PPARD: variants seen among roughly 807,000 people sequenced by gnomAD.
PPARD encodes the protein peroxisome proliferator activated receptor delta, also known as peroxisome proliferator-activated receptor delta.
PPARD carries 6 observed loss-of-function variants against 39.5 expected under a neutral mutation model. That is an observed-to-expected ratio of 0.15 (90% CI 0.08 to 0.30). The LOEUF (loss-of-function observed/expected upper bound fraction) is 0.30, where lower values mean the gene tolerates loss of function less well. PPARD is among the 10% of genes least tolerant of loss of function. The probability of loss-of-function intolerance (pLI) is 1.00; values close to 1 mark genes in which losing one functional copy is unlikely to be tolerated. For synonymous variants in PPARD, 210 were observed against 231.3 expected (o/e 0.91, Z 0.83); for missense variants, 397 against 596.8 (o/e 0.67, Z 3.49).
Position 35,425,957 on chromosome 6 carries a change from A to T in PPARD, c.1204A>T (p.Lys402Ter). ...AQYLFPKLLQKMADLRQLVTE... is the reference protein window; with the variant it reads ...AQYLFPKLLQ ...GTACCTCTTCCCCAAGCTGCTGCAGAAGATGGCTGACCTGCGGCAACTGGT... is the reference window on the plus strand; with the variant it reads ...GTACCTCTTCCCCAAGCTGCTGCAGTAGATGGCTGACCTGCGGCAACTGGT... Residue 402 changes from lysine (K) to a stop codon, truncating the protein, a stop_gained, in exon 8 of 8, where the codon AAG (lysine) becomes TAG (stop). Coordinates refer to ENST00000360694, the MANE Select transcript of PPARD (RefSeq NM_006238.5). LOFTEE classifies it high-confidence loss of function. The surrounding 1 kb of genome is among the most constrained non-coding windows in gnomAD (Gnocchi z 4.5). 1 of 1,614,184 alleles carries T rather than the reference A, an allele frequency of 6.2e-7. No individual in the cohort carries two copies. Among genetic ancestry groups the T allele is most frequent in the Non-Finnish European group, 8.5e-7 (1 of 1,180,030 alleles).
intron 2 of PPARD, among the ~76,000 whole-genome samples, chr6:35,371,696 T>A (rs1438517466): frequency 6.6e-6 from 1 of 152,200 alleles, no homozygotes; most frequent in Non-Finnish European, 1.5e-5. Context: ...CCAAAAGATA[T>A]GTCCAAGTCC....
At chr6:35,368,941 G>T (rs911192505) in intron 2 of PPARD, among the ~76,000 whole-genome samples, 8 of 152,182 alleles carry the variant, frequency 5.3e-5, no homozygotes, top group African/African-American at 1.9e-4. Context: ...TTGCTTGGCT[G>T]TCTGGTTGGT....
intron 2 of PPARD, among the ~76,000 whole-genome samples, chr6:35,358,570 A>C (rs990398002): frequency 2.0e-5 from 3 of 152,198 alleles, no homozygotes; most frequent in African/African-American, 7.2e-5. Context: ...CAAGGAGAGC[A>C]TAGGCCCAGC....
At chr6:35,359,394 A>C (rs986028125) in intron 2 of PPARD, among the ~76,000 whole-genome samples, 1 of 152,180 alleles carries the variant, frequency 6.6e-6, no homozygotes, top group Admixed American at 6.5e-5. Context: ...GTCACTTAAA[A>C]ATATTAGAAG....
Position 35,366,809 on chromosome 6 carries a change from C to G in PPARD, c.-102+19659C>G, listed in dbSNP as rs1483090964. The stretch of plus-strand genomic sequence containing the variant: ...AAGTAATCCACCCACTTTGGCCTCC[C>G]AAAGTGCTGGGATTATGGGCGTGAG... On this transcript the variant is annotated intron_variant, in intron 2 of 7. Transcript: ENST00000360694. This position sits in a 1 kb window ranked among gnomAD's most constrained non-coding sequence, Gnocchi z 4.6. 6.6e-6 allele frequency among the ~76,000 whole-genome samples: 1 copy of G among 152,204 alleles called. No homozygotes were observed. Among genetic ancestry groups the G allele is most frequent in the Non-Finnish European group, 1.5e-5 (1 of 68,036 alleles).
At chr6:35,390,166 T>C (rs1400656774) in intron 2 of PPARD, among the ~76,000 whole-genome samples, 1 of 152,162 alleles carries the variant, frequency 6.6e-6, no homozygotes, top group Non-Finnish European at 1.5e-5. Context: ...CTGGCCCAGC[T>C]AGAAGAAAGG....
In PPARD at chr6:35,421,886, CAGA is replaced by C; in HGVS notation, c.360_362del (p.Lys120del). ...GAAGTGTGAGCGCAGCTGCAAGATT[CAGA>C]AGAAGAACCGCAACAAGTGCCAGTA... On this transcript the variant is annotated inframe_deletion, in exon 5 of 8. Coordinates refer to ENST00000360694, the MANE Select transcript of PPARD (RefSeq NM_006238.5). 6.2e-7 allele frequency: 1 copy of C among 1,614,058 alleles called. No individual in the cohort carries two copies. Among genetic ancestry groups the C allele is most frequent in the Non-Finnish European group, 8.5e-7 (1 of 1,179,970 alleles).
intron 2 of PPARD, among the ~76,000 whole-genome samples, chr6:35,407,696 A>G (rs1410942645): frequency 6.6e-6 from 1 of 150,894 alleles, no homozygotes; most frequent in Non-Finnish European, 1.5e-5. Context: ...AAAATAAAAT[A>G]AAATAAACTT....
In PPARD at chr6:35,347,104, A is replaced by G. The variant is rs554558979; in HGVS notation, c.-148A>G. On this transcript the variant is annotated 5_prime_UTR_variant, in exon 2 of 8. Coordinates refer to ENST00000360694, the MANE Select transcript of PPARD (RefSeq NM_006238.5). Reference sequence around the variant, plus strand: ...TTTTGGGCATGCACGTGATACTCACACAGTGGCTTCTGCTCACCAACAGAT... The same window carrying G: ...TTTTGGGCATGCACGTGATACTCACGCAGTGGCTTCTGCTCACCAACAGAT... 21 of 1,536,160 alleles carry G rather than the reference A, an allele frequency of 1.4e-5. No homozygotes were observed. Among genetic ancestry groups the G allele is most frequent in the South Asian group, 5.9e-5 (5 of 84,066 alleles).
intron 2 of PPARD, 39 bp from the exon 3 acceptor site, chr6:35,410,948 T>TG: frequency 1.6e-6 from 2 of 1,258,558 alleles, no homozygotes; most frequent in Non-Finnish European, 2.0e-6. Context: ...TCCTTGTCAC[T>TG]GCCTCCCCTG....
intron 1 of PPARD, among the ~76,000 whole-genome samples, chr6:35,344,306 A>G (rs895960646): frequency 1.3e-5 from 2 of 151,940 alleles, no homozygotes; most frequent in Non-Finnish European, 2.9e-5. Flanking sequence ...TTGCCCAGGC[A>G]TAGTATGAGG....
Position 35,423,977 on chromosome 6 carries a change from GA to G in PPARD, c.458del (p.Lys153ArgfsTer8). The G allele has an allele frequency of 6.2e-7, 1 of 1,614,204 alleles. No homozygotes were observed. Among genetic ancestry groups the G allele is most frequent in the Non-Finnish European group, 8.5e-7 (1 of 1,180,020 alleles). On this transcript the variant is annotated frameshift_variant, in exon 6 of 8. Coordinates refer to ENST00000360694, the MANE Select transcript of PPARD (RefSeq NM_006238.5). LOFTEE classifies it high-confidence loss of function. ...IRFGRMPEAE[K>X]RKLVAGLTAN... ...GTTTTGGTCGGATGCCGGAGGCTGAGAAGAGGAAGCTGGTGGCAGGGCTGAC... is the reference window on the plus strand; with the variant it reads ...GTTTTGGTCGGATGCCGGAGGCTGAGAGAGGAAGCTGGTGGCAGGGCTGAC...
At position 35,424,996 on chromosome 6, in the gene PPARD, G is replaced by C; in HGVS notation, c.1078+217G>C. ...TGGAGACAGGAAAAAGACTAAGCCA[G>C]ACGTGGTGGCTCACACCTGTAATCC... On this transcript the variant is annotated intron_variant, in intron 7 of 7. Transcript: ENST00000360694. This position sits in a 1 kb window ranked among gnomAD's most constrained non-coding sequence, Gnocchi z 7.1. The C allele has an allele frequency of 2.1e-6, 3 of 1,403,910 alleles. No individual in the cohort carries two copies. The South Asian group carries it at 4.7e-5, about 22-fold the overall frequency. The allele number at this position is 1,403,910 out of a possible 1,614,324, so 87.0% of individuals were successfully genotyped here.
intron 2 of PPARD, among the ~76,000 whole-genome samples, chr6:35,349,673 TTTTG>T (rs761296154): frequency 3.0e-4 from 46 of 150,946 alleles, no homozygotes; most frequent in Non-Finnish European, 5.6e-4. Flanking sequence ...TAAGTTTTTT[TTTTG>T]TTTGTTTTTG....
At chr6:35,358,994 G>A (rs924889211) in intron 2 of PPARD, among the ~76,000 whole-genome samples, 1 of 151,958 alleles carries the variant, frequency 6.6e-6, no homozygotes, top group Admixed American at 6.6e-5. Context: ...GAGGGTAGTG[G>A]CAGTTCCACA....
intron 2 of PPARD, among the ~76,000 whole-genome samples, chr6:35,377,882 T>TTTTTTTTTTTTTA (rs1400990915): frequency 6.7e-6 from 1 of 149,604 alleles, no homozygotes; most frequent in South Asian, 2.1e-4. Flanking sequence ...TTTTTTTTTT[T>TTTTTTTTTTTTTA]GAGACAGAGT....
intron 2 of PPARD, 115 bp from the exon 3 acceptor site, chr6:35,410,872 A>T (rs1233985867): frequency 8.3e-7 from 1 of 1,198,898 alleles, no homozygotes; most frequent in Non-Finnish European, 1.0e-6. Flanking sequence ...CTAGGGAAGG[A>T]GCAGGAGCAG....
chr6:35,403,492 C>T (rs1345499042), intron 2 of PPARD, among the ~76,000 whole-genome samples: 1 of 151,702 alleles, frequency 6.6e-6, no homozygotes, highest in Non-Finnish European at 1.5e-5. Flanking sequence ...AAAACTGATA[C>T]AGTGGCAAGT....
intron 2 of PPARD, among the ~76,000 whole-genome samples, chr6:35,409,311 C>G (rs1016616696): frequency 6.6e-6 from 1 of 151,960 alleles, no homozygotes; most frequent in African/African-American, 2.4e-5. Context: ...CCAAAACCAG[C>G]CGGGGCAACA....
Sources: gnomAD v4.1 joint callset for allele counts (sites outside exome capture counted in the v4.1 genomes callset) on GRCh38, gnomAD v4.1.1 for gene constraint, Gnocchi (gnomAD v3.1) non-coding constraint, MANE v1.5 for transcripts, NCBI Gene and HGNC (gene_info 2026-07-23, HGNC 2026-07-21) for gene names.